GRB10: variants seen among roughly 807,000 people sequenced by gnomAD.
GRB10 encodes growth factor receptor bound protein 10.
A neutral mutation model predicts 80.9 loss-of-function variants in GRB10; 20 were observed. The ratio of observed to expected loss-of-function variants is 0.25; its 90% CI spans 0.17 to 0.36. The LOEUF (loss-of-function observed/expected upper bound fraction) is 0.36. Ranked by LOEUF, GRB10 falls within the 10% of genes least tolerant of loss-of-function variation. GRB10 has a pLI of 1.00. For synonymous variants in GRB10, 291 were observed against 291.5 expected, an observed-to-expected ratio of 1.00 and a Z score of 0.02; for missense variants, 548 against 747.7, an observed-to-expected ratio of 0.73 and a Z score of 3.12.
chr7:50,783,255 A>C (rs1335064137), upstream of GRB10, among the ~76,000 whole-genome samples: 1 of 152,190 alleles, frequency 6.6e-6, no homozygotes, highest in Non-Finnish European at 1.5e-5. Flanking sequence ...AAAATGTCAG[A>C]GCAAGAACCA....
chr7:50,735,180 ATAAT>A (rs1195828902), intron 3 of GRB10, among the ~76,000 whole-genome samples: 1 of 152,266 alleles, frequency 6.6e-6, no homozygotes, highest in African/African-American at 2.4e-5. Flanking sequence ...AATCCAATAG[ATAAT>A]TAAGAAAACA....
intron 2 of GRB10, among the ~76,000 whole-genome samples, chr7:50,773,746 A>G (rs1195026353): frequency 6.6e-6 from 1 of 152,218 alleles, no homozygotes; most frequent in Non-Finnish European, 1.5e-5. Context: ...TTATACACCA[A>G]TGTTTACAGA....
At chr7:50,597,316 T>C (rs1027111181) in intron 17 of GRB10, among the ~76,000 whole-genome samples, 1 of 152,202 alleles carries the variant, frequency 6.6e-6, no homozygotes, top group Non-Finnish European at 1.5e-5. Context: ...TCAGGCCAGA[T>C]GGGACGGCGT....
intron 4 of GRB10, among the ~76,000 whole-genome samples, chr7:50,722,585 T>C (rs1237097332): frequency 6.6e-6 from 1 of 151,098 alleles, no homozygotes; most frequent in Non-Finnish European, 1.5e-5. Flanking sequence ...GAAAGGGGAG[T>C]CCAGGGTGAA....
At chr7:50,705,329 GA>G in intron 4 of GRB10, 2 of 984,212 alleles carry the variant, frequency 2.0e-6, no homozygotes, top group Non-Finnish European at 2.4e-6. Flanking sequence ...AATATCTGGA[GA>G]AAACAAAATA....
intron 1 of GRB10, among the ~76,000 whole-genome samples, chr7:50,791,499 C>CATAA (rs1195287293): frequency 6.6e-6 from 1 of 152,178 alleles, no homozygotes; most frequent in Non-Finnish European, 1.5e-5. Context: ...CACTTGCTGA[C>CATAA]AGTATGACCT....
chr7:50,674,410 G>A (rs1368499318), intron 6 of GRB10, 26 bp downstream of exon 6: 1 of 1,594,080 alleles, frequency 6.3e-7, no homozygotes, highest in Non-Finnish European at 8.5e-7. Context: ...CTTGGAGAAG[G>A]CTCTGCCCAT....
intron 5 of GRB10, 110 bp downstream of exon 5, chr7:50,703,711 T>C: frequency 1.3e-6 from 1 of 770,248 alleles, no homozygotes; most frequent in South Asian, 1.4e-5. Flanking sequence ...GAAGAACCAA[T>C]GTTAGAATTG....
chr7:50,649,651 G>A (rs1004965769), intron 7 of GRB10, among the ~76,000 whole-genome samples: 1 of 152,234 alleles, frequency 6.6e-6, no homozygotes, highest in Non-Finnish European at 1.5e-5. Flanking sequence ...TATGAGGCAA[G>A]GTGAGGTGAG....
chr7:50,751,156 T>A (rs983979107), intron 3 of GRB10, among the ~76,000 whole-genome samples: 1 of 151,922 alleles, frequency 6.6e-6, no homozygotes, highest in African/African-American at 2.4e-5. Flanking sequence ...CCCCTCTGTA[T>A]CAGGCCAGAG....
At chr7:50,705,063 G>A in intron 4 of GRB10, 1 of 823,448 alleles carries the variant, frequency 1.2e-6, no homozygotes, top group Non-Finnish European at 1.5e-6. Flanking sequence ...CCAGCAAGCA[G>A]TTTCTCTGCC....
intron 4 of GRB10, chr7:50,710,833 C>A (rs1217862880): frequency 3.8e-5 from 61 of 1,604,642 alleles, no homozygotes; most frequent in Non-Finnish European, 5.1e-5. Context: ...GCTTGCCCAG[C>A]AACTAAAGGT....
intron 3 of GRB10, among the ~76,000 whole-genome samples, chr7:50,746,389 C>T (rs55842511): frequency 0.042 from 6,426 of 152,228 alleles, 233 homozygotes; most frequent in East Asian, 0.17. Flanking sequence ...TTTCAACTTA[C>T]GACATTTGTG....
intron 7 of GRB10, among the ~76,000 whole-genome samples, chr7:50,654,442 C>A (rs550843047): frequency 8.1e-4 from 123 of 152,322 alleles, no homozygotes; most frequent in African/African-American, 2.9e-3. Flanking sequence ...CTGGCCTTAA[C>A]AGACGAGGTT....
rs370761490 is a variant in GRB10, at chr7:50,662,646, G to C, written c.504+7076C>G. ...AGTTGGCTGTGTGACTCCAGCCAAA[G>C]TATTTCACCTTGTGGAGCTTCAGGA... On this transcript the variant is annotated intron_variant, in intron 7 of 18. Coordinates refer to ENST00000401949, the MANE Select transcript of GRB10 (RefSeq NM_001350814.2). Among the ~76,000 whole-genome samples, 37 of 152,350 alleles carry C rather than the reference G, an allele frequency of 2.4e-4. 1 individual carries two copies. The South Asian group carries it at 7.7e-3, about 32-fold the overall frequency.
intron 7 of GRB10, among the ~76,000 whole-genome samples, chr7:50,657,732 T>C (rs572045807): frequency 6.6e-6 from 1 of 152,340 alleles, no homozygotes; most frequent in South Asian, 2.1e-4. Flanking sequence ...AGAGGGTATG[T>C]ACTTGTAAAC....
chr7:50,724,156 G>A (rs143237610), intron 4 of GRB10, among the ~76,000 whole-genome samples: 3 of 152,144 alleles, frequency 2.0e-5, no homozygotes, highest in Non-Finnish European at 4.4e-5. Flanking sequence ...GGTCATAAAC[G>A]CAAAGCTTCA....
chr7:50,665,963 A>G (rs1269979320), intron 7 of GRB10, among the ~76,000 whole-genome samples: 7 of 152,136 alleles, frequency 4.6e-5, no homozygotes, highest in Non-Finnish European at 1.0e-4. Flanking sequence ...ACCCTTAGCA[A>G]ACTCAGCACA....
chr7:50,604,258 T>C, intron 16 of GRB10, 53 bp downstream of exon 16: 1 of 1,449,906 alleles, frequency 6.9e-7, no homozygotes, highest in South Asian at 1.1e-5. Flanking sequence ...TGGAGGGGGG[T>C]GCTGTTTGAT....
Sources: allele counts gnomAD v4.1 joint callset (sites outside exome capture counted in the v4.1 genomes callset), GRCh38; gene constraint gnomAD v4.1.1; transcripts MANE v1.5; gene names NCBI Gene and HGNC (gene_info 2026-07-23, HGNC 2026-07-21).